The following ARMH4 variants were observed in gnomAD, a reference collection of about 807,000 sequenced individuals.
ARMH4 encodes the protein armadillo-like helical domain-containing protein 4.
A neutral mutation model predicts 61.9 loss-of-function variants in ARMH4; 49 were observed. That is an observed-to-expected ratio of 0.79 (90% confidence interval 0.63 to 1.00). ARMH4 has a LOEUF of 1.00. Among genes scored for constraint, ARMH4 ranks in the 50% least tolerant of loss-of-function variants. ARMH4 has a pLI of 0.00. For missense variants in ARMH4, 934 were observed against 930.0 expected (o/e 1.00, Z -0.06); for synonymous variants, 368 against 341.5 (o/e 1.08, Z -0.85).
At chr14:58,044,246 G>A (rs534777104) in intron 5 of ARMH4, among the ~76,000 whole-genome samples, 20 of 152,278 alleles carry the variant, frequency 1.3e-4, no homozygotes, top group Admixed American at 3.3e-4. Flanking sequence ...AAAGCAGCAC[G>A]GTACTGGTAC....
chr14:58,087,469 CTATTT>C (rs1476142252), intron 5 of ARMH4, among the ~76,000 whole-genome samples: 5 of 152,124 alleles, frequency 3.3e-5, no homozygotes, highest in Non-Finnish European at 7.3e-5. Context: ...TCAACTAACT[CTATTT>C]TATGGGTTTC....
At chr14:58,066,581 CCT>C (rs1884710418) in intron 5 of ARMH4, among the ~76,000 whole-genome samples, 1 of 151,890 alleles carries the variant, frequency 6.6e-6, no homozygotes, top group Non-Finnish European at 1.5e-5. Context: ...GTAAATTTTA[CCT>C]CAATAAAAAT....
chr14:58,091,068 T>C (rs546946818), intron 5 of ARMH4, among the ~76,000 whole-genome samples: 78 of 147,554 alleles, frequency 5.3e-4, no homozygotes, highest in Non-Finnish European at 8.2e-4. Flanking sequence ...AATACAAAAA[T>C]TACAGGCATG....
chr14:58,053,854 G>A (rs773455829), intron 5 of ARMH4, among the ~76,000 whole-genome samples: 7 of 152,220 alleles, frequency 4.6e-5, no homozygotes, highest in South Asian at 2.1e-4. Context: ...ACCCCATTCC[G>A]TAGTGACAAC....
At chr14:58,149,651 C>T (rs1232769562) in intron 1 of ARMH4, among the ~76,000 whole-genome samples, 2 of 152,124 alleles carry the variant, frequency 1.3e-5, no homozygotes, top group Admixed American at 1.3e-4. Context: ...TCATCTCATC[C>T]CTGGTAAAAG....
At chr14:58,054,253 G>C (rs536125578) in intron 5 of ARMH4, among the ~76,000 whole-genome samples, 1 of 152,152 alleles carries the variant, frequency 6.6e-6, no homozygotes, top group South Asian at 2.1e-4. Context: ...GGTTTTGTGT[G>C]AATGATCACA....
At chr14:58,071,395 C>T (rs1884878569) in intron 5 of ARMH4, among the ~76,000 whole-genome samples, 1 of 152,046 alleles carries the variant, frequency 6.6e-6, no homozygotes, top group African/African-American at 2.4e-5. Context: ...AGAGATAGAG[C>T]AAATACCGAT....
chr14:58,031,673 T>G (rs1378331667), intron 5 of ARMH4, among the ~76,000 whole-genome samples: 1 of 152,126 alleles, frequency 6.6e-6, no homozygotes, highest in Non-Finnish European at 1.5e-5. Flanking sequence ...GAAAAAGGCT[T>G]CCAAAATTGT....
intron 5 of ARMH4, among the ~76,000 whole-genome samples, chr14:58,013,264 C>T (rs964940771): frequency 2.0e-5 from 3 of 151,974 alleles, no homozygotes; most frequent in Admixed American, 1.3e-4. Flanking sequence ...CAAAAGTGGC[C>T]GTAGACAATA....
intron 4 of ARMH4, 84 bp from the exon 5 acceptor site, chr14:58,097,065 A>T (rs1885779695): frequency 7.2e-7 from 1 of 1,394,264 alleles, no homozygotes; most frequent in African/African-American, 1.4e-5. Flanking sequence ...TGATCCAAAC[A>T]CTACAAAATA....
intron 4 of ARMH4, among the ~76,000 whole-genome samples, chr14:58,113,840 T>A (rs1476049981): frequency 6.6e-6 from 1 of 151,962 alleles, no homozygotes; most frequent in Non-Finnish European, 1.5e-5. Flanking sequence ...TATATTTATA[T>A]TTCTAAATGT....
chr14:58,064,352 T>C lies in ARMH4; in HGVS notation c.2089+32372A>G, dbSNP rs535499395. Among the ~76,000 whole-genome samples the C allele has an allele frequency of 5.9e-5, 9 of 152,324 alleles. No homozygotes were observed. In the South Asian group the frequency reaches 1.9e-3, roughly 32 times the overall value. ...GAGATACCTCTGATTCTCACTATCT[T>C]TGCTATTTAAATTCACAACCACTGT... On this transcript the variant is annotated intron_variant, in intron 5 of 7. Transcript: ENST00000267485.
chr14:58,020,951 CT>C (rs912816247), intron 5 of ARMH4, among the ~76,000 whole-genome samples: 91 of 152,234 alleles, frequency 6.0e-4, no homozygotes, highest in African/African-American at 2.1e-3. Flanking sequence ...ACCAGGAGAG[CT>C]GATGTAGTCC....
chr14:58,141,502 G>C (rs1887549838), intron 1 of ARMH4: 1 of 539,772 alleles, frequency 1.9e-6, no homozygotes, highest in South Asian at 1.4e-5. Context: ...GCGCCTGCGA[G>C]GTGGCATTAC....
At chr14:58,116,467 G>T in intron 4 of ARMH4, 1 of 316,632 alleles carries the variant, frequency 3.2e-6, no homozygotes, top group South Asian at 2.6e-5. Context: ...TTAAGCCCAG[G>T]AGTTTGAGAC....
chr14:58,032,984 C>G (rs891771866), intron 5 of ARMH4, among the ~76,000 whole-genome samples: 6 of 142,962 alleles, frequency 4.2e-5, no homozygotes, highest in African/African-American at 1.6e-4. Flanking sequence ...GAGGGGCGCC[C>G]GCCATTGCCC....
chr14:58,045,180 C>T (rs1883888722), intron 5 of ARMH4, among the ~76,000 whole-genome samples: 1 of 152,160 alleles, frequency 6.6e-6, no homozygotes, highest in African/African-American at 2.4e-5. Flanking sequence ...GATTGTGGCA[C>T]TACTCACAAT....
At position 58,139,248 on chromosome 14, in the gene ARMH4, T is replaced by C; in HGVS notation, c.111A>G (p.Ile37Met). The change falls in exon 2 of 8, where the codon ATA (isoleucine) becomes ATG (methionine). Residue 37 changes from isoleucine to methionine, a missense_variant. By Grantham distance (10) the Ile-to-Met change is conservative (BLOSUM62 1). Transcript: ENST00000267485. ...AFPKIERRRE[I>M]AHVHAEKGQS... Reference sequence around the variant, plus strand: ...GCCCTTTTTCCGCATGAACATGTGCTATCTCCCTCCTCCTTTCTATTTTGG... The same window carrying C: ...GCCCTTTTTCCGCATGAACATGTGCCATCTCCCTCCTCCTTTCTATTTTGG... 6.2e-7 allele frequency: 1 copy of C among 1,614,210 alleles called. No homozygotes were observed. The highest frequency in any genetic ancestry group is 8.5e-7 in the Non-Finnish European group (1 of 1,180,030).
chr14:58,101,352 T>C (rs1885969607), intron 4 of ARMH4: 1 of 152,238 alleles, frequency 6.6e-6, no homozygotes, highest in Non-Finnish European at 1.5e-5. Context: ...TCCATCAGAA[T>C]GGTGAAATGA....
Sources: allele counts gnomAD v4.1 joint callset (sites outside exome capture counted in the v4.1 genomes callset), GRCh38; gene constraint gnomAD v4.1.1; transcripts MANE v1.5; gene names NCBI Gene and HGNC (gene_info 2026-07-23, HGNC 2026-07-21).